The following POMT1 variants were observed in gnomAD, a reference collection of about 807,000 sequenced individuals.
The protein encoded by POMT1 is protein O-mannosyl-transferase 1.
In POMT1, 85 loss-of-function variants were observed where a neutral mutation model predicts 101.6. The ratio of observed to expected loss-of-function variants is 0.84; its 90% CI spans 0.70 to 1.00. The LOEUF (loss-of-function observed/expected upper bound fraction) is 1.00. Among genes scored for constraint, POMT1 ranks in the 50% least tolerant of loss-of-function variants. The pLI, the probability that POMT1 is intolerant of heterozygous loss-of-function variation, is 0.00. For missense variants in POMT1, 857 were observed against 930.4 expected, an observed-to-expected ratio of 0.92 and a Z score of 1.03; for synonymous variants, 371 against 383.0, an observed-to-expected ratio of 0.97 and a Z score of 0.37.
intron 18 of POMT1, among the ~76,000 whole-genome samples, chr9:131,521,810 TGTTGCCC>T (rs1949979909): frequency 6.6e-6 from 1 of 152,222 alleles, no homozygotes; most frequent in Admixed American, 6.5e-5. Flanking sequence ...CTTGGTCCCA[TGTTGCCC>T]GTATGCGCTG....
chr9:131,509,058 A>T, intron 6 of POMT1, 36 bp downstream of exon 6: 1 of 1,464,084 alleles, frequency 6.8e-7, no homozygotes, highest in Non-Finnish European at 9.6e-7. Flanking sequence ...GTTAACGAGA[A>T]CAGAGATTCT....
chr9:131,523,227 G>C lies in POMT1; in HGVS notation c.*121G>C, dbSNP rs1588516944. 3 of 1,229,866 alleles carry C rather than the reference G, an allele frequency of 2.4e-6. No individual in the cohort carries two copies. In the East Asian group the frequency reaches 7.5e-5, roughly 31 times the overall value. The allele number at this position is 1,229,866 out of a possible 1,614,324, so 76.2% of individuals were successfully genotyped here. On this transcript the variant is annotated 3_prime_UTR_variant, in exon 20 of 20. Coordinates refer to ENST00000402686, the MANE Select transcript of POMT1 (RefSeq NM_001077365.2). ...GGAGGACACGGGCTGGGCTGAGCAGGGCCTCTAGTGGAACACATGGGGGTC... is the reference window on the plus strand; with the variant it reads ...GGAGGACACGGGCTGGGCTGAGCAGCGCCTCTAGTGGAACACATGGGGGTC...
At chr9:131,521,262 A>G in intron 17 of POMT1, 84 bp from the exon 18 acceptor site, 1 of 1,586,644 alleles carries the variant, frequency 6.3e-7, no homozygotes, top group Non-Finnish European at 8.7e-7. Context: ...TAGTGCGTGC[A>G]TCTGAATTCC....
intron 12 of POMT1, 73 bp from the exon 13 acceptor site, chr9:131,515,353 G>C: frequency 6.8e-7 from 1 of 1,477,502 alleles, no homozygotes; most frequent in South Asian, 1.1e-5. Context: ...ACCTTTTCCT[G>C]CCTGAAAGAT....
At position 131,515,453 on chromosome 9, in the gene POMT1, C is replaced by T. The variant is rs144236151; in HGVS notation, c.1203C>T (p.Pro401=). ...NTHDVAAPLS[P]HSQEVSCYID... The stretch of plus-strand genomic sequence containing the variant: ...ATGATGTTGCAGCCCCCCTGAGCCC[C>T]CATTCACAGGAGGTCTCCTGCTACA... Residue 401 remains proline, a synonymous_variant, in exon 13 of 20, where the codon CCC becomes CCT. Transcript: ENST00000402686. The T allele has an allele frequency of 3.1e-6, 5 of 1,614,122 alleles. No homozygotes were observed. The highest frequency in any genetic ancestry group is 1.3e-5 in the African/African-American group (1 of 74,946).
chr9:131,503,795 C>T lies in POMT1; in HGVS notation c.-30-394C>T, dbSNP rs1256866619. 6.6e-6 allele frequency among the ~76,000 whole-genome samples: 1 copy of T among 152,142 alleles called. No homozygotes were observed. Among genetic ancestry groups the T allele is most frequent in the East Asian group, 1.9e-4 (1 of 5,194 alleles). The stretch of plus-strand genomic sequence containing the variant: ...GCTCGGCCAGGTTGGGGTCCCTGGG[C>T]TGTAAGCAGCTGAGATGGCACCCAG... On this transcript the variant is annotated intron_variant, in intron 1 of 19. Transcript: ENST00000402686. This position sits in a 1 kb window ranked among gnomAD's most constrained non-coding sequence, Gnocchi z 4.4.
At chr9:131,505,387 C>T (rs1213576270) in intron 2 of POMT1, among the ~76,000 whole-genome samples, 1 of 151,214 alleles carries the variant, frequency 6.6e-6, no homozygotes, top group Non-Finnish European at 1.5e-5. Context: ...TTCAGCCTCC[C>T]GAGTACCTGG....
Position 131,523,236 on chromosome 9 carries a change from T to A in POMT1, c.*130T>A. On this transcript the variant is annotated 3_prime_UTR_variant, in exon 20 of 20. Transcript: ENST00000402686. Reference sequence around the variant, plus strand: ...GGGCTGGGCTGAGCAGGGCCTCTAGTGGAACACATGGGGGTCTCATTGAAA... The same window carrying A: ...GGGCTGGGCTGAGCAGGGCCTCTAGAGGAACACATGGGGGTCTCATTGAAA... 1 of 1,103,586 alleles carries A rather than the reference T, an allele frequency of 9.1e-7. No individual in the cohort carries two copies. The highest frequency in any genetic ancestry group is 1.3e-6 in the Non-Finnish European group (1 of 757,400). 68.4% of individuals were successfully genotyped at this position (1,103,586 alleles called of 1,614,324 possible).
intron 12 of POMT1, among the ~76,000 whole-genome samples, chr9:131,514,785 GT>G (rs1947928626): frequency 6.6e-6 from 1 of 152,154 alleles, no homozygotes; most frequent in South Asian, 2.1e-4. Flanking sequence ...GTGAAACCCC[GT>G]CTCTACTAAA....
rs1945109960 is a variant in POMT1, at chr9:131,503,774, G to A, written c.-30-415G>A. ...GAGAGATGAGGAGGCCCCGAGGCTCGGCCAGGTTGGGGTCCCTGGGCTGTA... is the reference window on the plus strand; with the variant it reads ...GAGAGATGAGGAGGCCCCGAGGCTCAGCCAGGTTGGGGTCCCTGGGCTGTA... On this transcript the variant is annotated intron_variant, in intron 1 of 19. Transcript: ENST00000402686. The surrounding 1 kb of genome is among the most constrained non-coding windows in gnomAD (Gnocchi z 4.4). Among the ~76,000 whole-genome samples, 1 of 152,130 alleles carries A rather than the reference G, an allele frequency of 6.6e-6. No individual in the cohort carries two copies. Among genetic ancestry groups the A allele is most frequent in the Non-Finnish European group, 1.5e-5 (1 of 68,010 alleles).
At position 131,523,230 on chromosome 9, in the gene POMT1, C is replaced by G; in HGVS notation, c.*124C>G. On this transcript the variant is annotated 3_prime_UTR_variant, in exon 20 of 20. Coordinates refer to ENST00000402686, the MANE Select transcript of POMT1 (RefSeq NM_001077365.2). ...GGACACGGGCTGGGCTGAGCAGGGC[C>G]TCTAGTGGAACACATGGGGGTCTCA... 2 of 1,220,714 alleles carry G rather than the reference C, an allele frequency of 1.6e-6. No homozygotes were observed. Among genetic ancestry groups the G allele is most frequent in the South Asian group, 2.6e-5 (2 of 76,520 alleles). 75.6% of individuals were successfully genotyped at this position (1,220,714 alleles called of 1,614,324 possible).
rs1950127154 is a variant in POMT1, at chr9:131,522,399, G to C, written c.2003+175G>C. ...AGAAGAGATGCCCAGATGAGGCACT[G>C]CAGGAACCCAGAGGGAGAAGTCGCG... On this transcript the variant is annotated intron_variant, in intron 19 of 19. Coordinates refer to ENST00000402686, the MANE Select transcript of POMT1 (RefSeq NM_001077365.2). This position sits in a 1 kb window ranked among gnomAD's most constrained non-coding sequence, Gnocchi z 5.5. The C allele has an allele frequency of 1.5e-6, 2 of 1,319,572 alleles. No individual in the cohort carries two copies. Among genetic ancestry groups the C allele is most frequent in the Admixed American group, 4.8e-5 (2 of 41,552 alleles). 81.7% of individuals were successfully genotyped at this position (1,319,572 alleles called of 1,614,324 possible).
intron 17 of POMT1, among the ~76,000 whole-genome samples, chr9:131,520,677 A>G (rs1375839648): frequency 6.6e-6 from 1 of 152,198 alleles, no homozygotes; most frequent in Non-Finnish European, 1.5e-5. Context: ...CAGCATGTGC[A>G]CTGAAGGCAG....
Position 131,522,192 on chromosome 9 carries a change from G to A in POMT1, c.1971G>A (p.Val657=), listed in dbSNP as rs1950066666. Residue 657 remains valine, a synonymous_variant, in exon 19 of 20, where the codon GTG becomes GTA. Transcript: ENST00000402686. The surrounding 1 kb of genome is among the most constrained non-coding windows in gnomAD (Gnocchi z 5.5). The part of the protein sequence containing the change: ...ALTFQILLLP[V]VLQHISDHLC... ...CCTTCCAAATCCTTCTGCTCCCTGTGGTCCTGCAGCACATCAGCGACCACC... is the reference window on the plus strand; with the variant it reads ...CCTTCCAAATCCTTCTGCTCCCTGTAGTCCTGCAGCACATCAGCGACCACC... 1 of 1,613,944 alleles carries A rather than the reference G, an allele frequency of 6.2e-7. No individual in the cohort carries two copies.
At chr9:131,506,299 G>A (rs1945801622) in intron 3 of POMT1, 79 bp downstream of exon 3, 3 of 1,567,924 alleles carry the variant, frequency 1.9e-6, no homozygotes, top group Non-Finnish European at 2.6e-6. Context: ...TTTCTTACAG[G>A]CAGAAACCAG....
chr9:131,521,480 C>A lies in POMT1; in HGVS notation c.1825+8C>A, dbSNP rs1457726314. 8 of 1,613,438 alleles carry A rather than the reference C, an allele frequency of 5.0e-6. No individual in the cohort carries two copies. Among genetic ancestry groups the A allele is most frequent in the South Asian group, 1.1e-5 (1 of 91,082 alleles). On this transcript the variant is annotated splice_region_variant and intron_variant, in intron 18 of 19. Transcript: ENST00000402686. Reference sequence around the variant, plus strand: ...TCCATGACCTCCCTCAGGGTTAGTACCTCTCCCACATGGCTTTCTTTCTTT... The same window carrying A: ...TCCATGACCTCCCTCAGGGTTAGTAACTCTCCCACATGGCTTTCTTTCTTT...
chr9:131,520,349 G>A (rs1373072544), intron 17 of POMT1, among the ~76,000 whole-genome samples, 156 bp downstream of exon 17: 1 of 152,220 alleles, frequency 6.6e-6, no homozygotes, highest in African/African-American at 2.4e-5. Flanking sequence ...TAAACGCTTT[G>A]GCAACCTGGA....
At position 131,523,110 on chromosome 9, in the gene POMT1, AAG is replaced by A. The variant is rs1950300205; in HGVS notation, c.*7_*8del. ...CATCTTGATCCGAAAACACTAGAACAAGAGTGTGGCAAAGAACACCCGTGCTG... is the reference window on the plus strand; with the variant it reads ...CATCTTGATCCGAAAACACTAGAACAAGTGTGGCAAAGAACACCCGTGCTG... On this transcript the variant is annotated 3_prime_UTR_variant, in exon 20 of 20. Coordinates refer to ENST00000402686, the MANE Select transcript of POMT1 (RefSeq NM_001077365.2). The A allele has an allele frequency of 6.2e-7, 1 of 1,610,066 alleles. No individual in the cohort carries two copies. Among genetic ancestry groups the A allele is most frequent in the African/African-American group, 1.3e-5 (1 of 74,840 alleles).
rs1946850963 is a variant in POMT1, at chr9:131,510,374, C to T, written c.814C>T (p.His272Tyr). Residue 272 changes from histidine (H) to tyrosine (Y), a missense_variant, in exon 9 of 20, where the codon CAC (histidine) becomes TAC (tyrosine). By Grantham distance (83) the His-to-Tyr change is moderately conservative (BLOSUM62 2). Transcript: ENST00000402686. ...HLILVFRSGPHDQIMSSAFQA... is the reference protein window; with the variant it reads ...HLILVFRSGPYDQIMSSAFQA... ...GATTCTAGTCTTCCGCTCTGGGCCC[C>T]ACGACCAAATCATGTCCAGTGCCTT... The T allele has an allele frequency of 1.2e-6, 2 of 1,614,186 alleles. No homozygotes were observed. The highest frequency in any genetic ancestry group is 2.2e-5 in the East Asian group (1 of 44,878).
Sources: gnomAD v4.1 joint callset for allele counts (sites outside exome capture counted in the v4.1 genomes callset) on GRCh38, gnomAD v4.1.1 for gene constraint, Gnocchi (gnomAD v3.1) non-coding constraint, MANE v1.5 for transcripts, NCBI Gene and HGNC (gene_info 2026-07-23, HGNC 2026-07-21) for gene names.